GPATCH2: variants seen among roughly 807,000 people sequenced by gnomAD.
The protein encoded by GPATCH2 is G-patch domain containing 2, also known as G patch domain-containing protein 2.
GPATCH2 carries 51 observed loss-of-function variants against 58.0 expected under a neutral mutation model. The ratio of observed to expected loss-of-function variants is 0.88; its 90% CI spans 0.70 to 1.11. GPATCH2 has a LOEUF of 1.11. Among genes scored for constraint, GPATCH2 ranks in the 50% most tolerant of loss-of-function variants. The pLI, the probability that GPATCH2 is intolerant of heterozygous loss-of-function variation, is 0.00. For missense variants in GPATCH2, 625 were observed against 652.2 expected (o/e 0.96, Z 0.45); for synonymous variants, 222 against 218.5 (o/e 1.02, Z -0.14).
At chr1:217,432,698 C>T (rs565382767) in intron 9 of GPATCH2, among the ~76,000 whole-genome samples, 2 of 152,218 alleles carry the variant, frequency 1.3e-5, no homozygotes, top group African/African-American at 4.8e-5. Context: ...TGGTTACTCC[C>T]CTTTTAGAAG....
chr1:217,620,723 G>C (rs558079825), intron 1 of GPATCH2, among the ~76,000 whole-genome samples: 10 of 152,182 alleles, frequency 6.6e-5, no homozygotes, highest in African/African-American at 2.4e-4. Context: ...TTCCAAGATA[G>C]AATAAGCTTA....
rs1343061034 is a variant in GPATCH2, at chr1:217,498,350, C to A, written c.1206+6G>T. On this transcript the variant is annotated splice_donor_region_variant and intron_variant, in intron 7 of 9. Coordinates refer to ENST00000366935, the MANE Select transcript of GPATCH2 (RefSeq NM_018040.5). ...TAACTTCCTTTTGGATTACAATGGT[C>A]CTTACCTGGTCATGCTCTGTCCTAG... 6.2e-7 allele frequency: 1 copy of A among 1,609,288 alleles called. No homozygotes were observed. The highest frequency in any genetic ancestry group is 1.7e-5 in the Admixed American group (1 of 60,006).
At chr1:217,618,272 C>T (rs189102383) in intron 2 of GPATCH2, among the ~76,000 whole-genome samples, 116 of 147,654 alleles carry the variant, frequency 7.9e-4, no homozygotes, top group African/African-American at 2.8e-3. Flanking sequence ...CGCAGTGGCA[C>T]GATCTTGGAT....
chr1:217,594,493 G>A (rs12140226), intron 5 of GPATCH2, among the ~76,000 whole-genome samples: 1 of 151,912 alleles, frequency 6.6e-6, no homozygotes, highest in Admixed American at 6.5e-5. Context: ...GTAACTTCAT[G>A]TGGTACTTTG....
chr1:217,558,120 A>G (rs1157887044), intron 5 of GPATCH2, among the ~76,000 whole-genome samples: 1 of 152,210 alleles, frequency 6.6e-6, no homozygotes, highest in East Asian at 1.9e-4. Flanking sequence ...ATGTTTTGAA[A>G]TCACATGCAC....
chr1:217,626,188 C>T (rs1247924944), intron 1 of GPATCH2, among the ~76,000 whole-genome samples: 5 of 152,122 alleles, frequency 3.3e-5, no homozygotes, highest in African/African-American at 1.2e-4. Context: ...GTGTTAAGTA[C>T]ATCTGCTTAA....
At chr1:217,584,213 C>T (rs560000361) in intron 5 of GPATCH2, among the ~76,000 whole-genome samples, 3 of 151,042 alleles carry the variant, frequency 2.0e-5, no homozygotes, top group East Asian at 2.0e-4. Context: ...AATTAATGTT[C>T]GAGGCCTCCC....
In GPATCH2 at chr1:217,568,244, GTTA is replaced by G. The variant is rs1558490961; in HGVS notation, c.1098+42074_1098+42076del. On this transcript the variant is annotated intron_variant, in intron 5 of 9. Transcript: ENST00000366935. The stretch of plus-strand genomic sequence containing the variant: ...TATTATGCAACCATTAAAATGTATG[GTTA>G]TTAATATATACTTATATATTAAGTT... Among the ~76,000 whole-genome samples the G allele has an allele frequency of 3.3e-5, 5 of 152,228 alleles. No homozygotes were observed. The East Asian group carries it at 9.6e-4, about 29-fold the overall frequency.
chr1:217,523,223 G>T (rs1331665052), intron 5 of GPATCH2, among the ~76,000 whole-genome samples: 1 of 151,402 alleles, frequency 6.6e-6, no homozygotes, highest in Non-Finnish European at 1.5e-5. Context: ...TCTCCCAGAG[G>T]GGGATTTGGC....
intron 8 of GPATCH2, among the ~76,000 whole-genome samples, chr1:217,486,317 C>T (rs776415228): frequency 5.3e-5 from 8 of 152,160 alleles, no homozygotes; most frequent in Non-Finnish European, 7.4e-5. Context: ...CTCTCTTGTG[C>T]TAACATTTCT....
intron 6 of GPATCH2, among the ~76,000 whole-genome samples, chr1:217,501,996 T>C (rs576627618): frequency 6.6e-6 from 1 of 152,114 alleles, no homozygotes; most frequent in African/African-American, 2.4e-5. Context: ...CTTTTGCACG[T>C]TTCTCAAAAA....
At chr1:217,585,582 T>C (rs1333281676) in intron 5 of GPATCH2, among the ~76,000 whole-genome samples, 1 of 152,146 alleles carries the variant, frequency 6.6e-6, no homozygotes, top group Non-Finnish European at 1.5e-5. Context: ...ATCACGCCAC[T>C]GCACTCCAGC....
At chr1:217,569,175 G>A (rs1355493484) in intron 5 of GPATCH2, among the ~76,000 whole-genome samples, 3 of 151,552 alleles carry the variant, frequency 2.0e-5, no homozygotes, top group Non-Finnish European at 4.4e-5. Context: ...CAGTACAGAT[G>A]ACGAAATGGG....
At chr1:217,553,913 A>G (rs1665485406) in intron 5 of GPATCH2, among the ~76,000 whole-genome samples, 1 of 152,212 alleles carries the variant, frequency 6.6e-6, no homozygotes, top group Non-Finnish European at 1.5e-5. Flanking sequence ...GTAAAGCCAT[A>G]TGGTCCCACA....
chr1:217,617,926 A>G (rs1405739130), intron 2 of GPATCH2, among the ~76,000 whole-genome samples: 1 of 152,132 alleles, frequency 6.6e-6, no homozygotes, highest in African/African-American at 2.4e-5. Context: ...ATTACCAGTT[A>G]CATGTCCTAT....
At chr1:217,578,669 C>T (rs1435415319) in intron 5 of GPATCH2, among the ~76,000 whole-genome samples, 1 of 152,174 alleles carries the variant, frequency 6.6e-6, no homozygotes, top group African/African-American at 2.4e-5. Flanking sequence ...CTGAATAACA[C>T]CCTCATGTCC....
At chr1:217,571,821 AGG>A (rs1666568043) in intron 5 of GPATCH2, among the ~76,000 whole-genome samples, 1 of 151,680 alleles carries the variant, frequency 6.6e-6, no homozygotes. Context: ...TGAACCCAGG[AGG>A]TCAAGAGATG....
At chr1:217,437,288 A>G (rs1658884259) in intron 9 of GPATCH2, among the ~76,000 whole-genome samples, 1 of 152,180 alleles carries the variant, frequency 6.6e-6, no homozygotes, top group South Asian at 2.1e-4. Flanking sequence ...CTGGGTTTCA[A>G]GCACAAAACT....
At chr1:217,531,775 T>C (rs190738954) in intron 5 of GPATCH2, among the ~76,000 whole-genome samples, 1 of 152,316 alleles carries the variant, frequency 6.6e-6, no homozygotes, top group African/African-American at 2.4e-5. Context: ...GGTAGCACAC[T>C]GTTAAGAAAT....
Sources: gnomAD v4.1 joint callset for allele counts (sites outside exome capture counted in the v4.1 genomes callset) on GRCh38, gnomAD v4.1.1 for gene constraint, MANE v1.5 for transcripts, NCBI Gene and HGNC (gene_info 2026-07-23, HGNC 2026-07-21) for gene names.